The following MACROD2 variants were observed in gnomAD, a reference collection of about 807,000 sequenced individuals.
MACROD2 encodes ADP-ribose glycohydrolase MACROD2.
MACROD2 carries 36 observed loss-of-function variants against 70.4 expected under a neutral mutation model. The ratio of observed to expected loss-of-function variants is 0.51; its 90% confidence interval spans 0.39 to 0.68. The LOEUF is 0.68. MACROD2 is among the 30% of genes least tolerant of loss of function. The probability of loss-of-function intolerance (pLI) is 0.00; values close to 1 mark genes in which losing one functional copy is unlikely to be tolerated. For synonymous variants in MACROD2, 172 were observed against 178.8 expected, an observed-to-expected ratio of 0.96 and a Z score of 0.30; for missense variants, 496 against 538.4, an observed-to-expected ratio of 0.92 and a Z score of 0.78.
intron 5 of MACROD2, among the ~76,000 whole-genome samples, chr20:14,795,396 C>T (rs114554080): frequency 0.014 from 2,171 of 152,014 alleles, 57 homozygotes; most frequent in African/African-American, 0.05. Context: ...GAAGGACTAG[C>T]GAGTAACTTG....
At chr20:15,208,516 C>CT (rs1056971851) in intron 5 of MACROD2, among the ~76,000 whole-genome samples, 4 of 152,082 alleles carry the variant, frequency 2.6e-5, no homozygotes, top group Non-Finnish European at 5.9e-5. Flanking sequence ...GACTCTGGAT[C>CT]TTTTTAAAAT....
chr20:14,875,264 C>A (rs1448792459), intron 5 of MACROD2, among the ~76,000 whole-genome samples: 1 of 151,834 alleles, frequency 6.6e-6, no homozygotes, highest in African/African-American at 2.4e-5. Context: ...GCCTGTAGTT[C>A]CAACTACTTG....
intron 5 of MACROD2, among the ~76,000 whole-genome samples, chr20:14,803,260 A>G (rs1213340730): frequency 1.3e-5 from 2 of 152,108 alleles, no homozygotes; most frequent in South Asian, 2.1e-4. Context: ...ATTAATTATC[A>G]GCAGTACAGA....
chr20:15,702,816 A>G (rs565754321), intron 8 of MACROD2, among the ~76,000 whole-genome samples: 1 of 152,368 alleles, frequency 6.6e-6, no homozygotes, highest in African/African-American at 2.4e-5. Context: ...AAACAAAAAA[A>G]GAGCCAAAAT....
intron 3 of MACROD2, among the ~76,000 whole-genome samples, chr20:14,197,604 C>G (rs112661889): frequency 0.028 from 4,194 of 152,058 alleles, 56 homozygotes; most frequent in Non-Finnish European, 0.034. Context: ...CCTGTCTCTA[C>G]TAAAATACAA....
At chr20:15,367,488 G>A (rs2045427773) in intron 6 of MACROD2, among the ~76,000 whole-genome samples, 3 of 152,036 alleles carry the variant, frequency 2.0e-5, no homozygotes, top group African/African-American at 7.2e-5. Flanking sequence ...ACTACTAGGT[G>A]TTCACTGACA....
At chr20:15,769,024 T>A (rs1480512042) in intron 8 of MACROD2, among the ~76,000 whole-genome samples, 1 of 152,244 alleles carries the variant, frequency 6.6e-6, no homozygotes, top group Non-Finnish European at 1.5e-5. Flanking sequence ...CTGAAGGACC[T>A]TCCTGAGGCT....
intron 3 of MACROD2, among the ~76,000 whole-genome samples, chr20:14,318,708 C>T (rs1404329183): frequency 6.6e-6 from 1 of 152,154 alleles, no homozygotes; most frequent in African/African-American, 2.4e-5. Context: ...TGACCAGCAG[C>T]CTGTGTAACT....
At chr20:15,234,292 A>G (rs1195614463) in intron 6 of MACROD2, among the ~76,000 whole-genome samples, 1 of 150,736 alleles carries the variant, frequency 6.6e-6, no homozygotes, top group African/African-American at 2.4e-5. Flanking sequence ...TCGGCCTCCC[A>G]AAGTGCTGGG....
At chr20:15,636,071 C>CAAAAAAAAAAAAAAAAAA (rs1178846767) in intron 8 of MACROD2, among the ~76,000 whole-genome samples, 6 of 27,920 alleles carry the variant, frequency 2.1e-4, no homozygotes, top group Admixed American at 8.4e-4. Flanking sequence ...GGCTCCCTCT[C>CAAAAAAAAAAAAAAAAAA]AAAAGAAAAA....
At chr20:14,022,166 A>C (rs1449741877) in intron 2 of MACROD2, among the ~76,000 whole-genome samples, 1 of 152,222 alleles carries the variant, frequency 6.6e-6, no homozygotes, top group Non-Finnish European at 1.5e-5. Context: ...TCGAGCTTCC[A>C]TGTTCTGTTG....
intron 8 of MACROD2, among the ~76,000 whole-genome samples, chr20:15,763,680 TAA>T (rs11477029): frequency 2.9e-4 from 44 of 150,558 alleles, no homozygotes; most frequent in African/African-American, 1.0e-3. Flanking sequence ...AATCTTGCCT[TAA>T]AAAAAAAACA....
At chr20:15,452,037 G>A (rs1485768535) in intron 7 of MACROD2, among the ~76,000 whole-genome samples, 2 of 152,098 alleles carry the variant, frequency 1.3e-5, no homozygotes, top group African/African-American at 4.8e-5. Context: ...AGGCTGTAAC[G>A]GAGTGTCTGT....
intron 3 of MACROD2, among the ~76,000 whole-genome samples, chr20:14,219,644 C>T (rs1220248437): frequency 6.6e-6 from 1 of 152,170 alleles, no homozygotes; most frequent in Non-Finnish European, 1.5e-5. Flanking sequence ...GGTGCCTTCT[C>T]ATTTGGGTAG....
At chr20:14,822,638 A>G (rs577510337) in intron 5 of MACROD2, among the ~76,000 whole-genome samples, 7 of 152,232 alleles carry the variant, frequency 4.6e-5, no homozygotes, top group African/African-American at 1.7e-4. Context: ...TTTGTTGAAA[A>G]TATAATCTTT....
intron 5 of MACROD2, among the ~76,000 whole-genome samples, chr20:15,221,481 T>C (rs2076860903): frequency 1.3e-5 from 2 of 152,174 alleles, no homozygotes; most frequent in Non-Finnish European, 2.9e-5. Context: ...ATGCCCCCAA[T>C]ACCCTGTGGA....
chr20:14,344,687 A>T (rs567008141), intron 3 of MACROD2, among the ~76,000 whole-genome samples: 2 of 152,348 alleles, frequency 1.3e-5, no homozygotes, highest in Admixed American at 6.5e-5. Flanking sequence ...GCCAAAATGT[A>T]TTTATAGTTT....
At chr20:14,382,223 G>T (rs1022546865) in intron 3 of MACROD2, among the ~76,000 whole-genome samples, 3 of 151,908 alleles carry the variant, frequency 2.0e-5, no homozygotes, top group Non-Finnish European at 2.9e-5. Flanking sequence ...GCCACGCCCA[G>T]CTAATTTTTT....
intron 3 of MACROD2, among the ~76,000 whole-genome samples, chr20:14,183,755 T>C (rs569116090): frequency 5.3e-5 from 8 of 152,308 alleles, no homozygotes; most frequent in Non-Finnish European, 8.8e-5. Context: ...TAGTATCTCA[T>C]TGTGGTTTTG....
Sources: gnomAD v4.1 joint callset for allele counts (sites outside exome capture counted in the v4.1 genomes callset) on GRCh38, gnomAD v4.1.1 for gene constraint, MANE v1.5 for transcripts, NCBI Gene and HGNC (gene_info 2026-07-23, HGNC 2026-07-21) for gene names.